Variants in POU2F1 observed in about 807,000 individuals in gnomAD.
POU2F1 encodes POU domain, class 2, transcription factor 1.
POU2F1 carries 16 observed loss-of-function variants against 84.9 expected under a neutral mutation model. The ratio of observed to expected loss-of-function variants is 0.19; its 90% CI spans 0.13 to 0.29. The LOEUF is 0.29. POU2F1 is among the 10% of genes least tolerant of loss of function. The probability of loss-of-function intolerance (pLI) is 1.00; values close to 1 mark genes in which losing one functional copy is unlikely to be tolerated. For synonymous variants in POU2F1, 368 were observed against 368.3 expected, an observed-to-expected ratio of 1.00 and a Z score of 0.01; for missense variants, 738 against 942.6, an observed-to-expected ratio of 0.78 and a Z score of 2.84.
intron 2 of POU2F1, among the ~76,000 whole-genome samples, chr1:167,359,266 T>G (rs1341725408): frequency 2.0e-5 from 3 of 152,036 alleles, no homozygotes; most frequent in Non-Finnish European, 4.4e-5. Context: ...TATCGCCTGA[T>G]GCTGAGGTTT....
chr1:167,275,062 C>T (rs1387342091), intron 1 of POU2F1, among the ~76,000 whole-genome samples: 8 of 141,304 alleles, frequency 5.7e-5, no homozygotes, highest in African/African-American at 8.2e-5. Flanking sequence ...TTGAGACAGG[C>T]TCTCACTCCA....
chr1:167,223,269 G>T (rs1012119717), intron 1 of POU2F1, among the ~76,000 whole-genome samples: 2 of 152,018 alleles, frequency 1.3e-5, no homozygotes, highest in African/African-American at 2.4e-5. Flanking sequence ...CAGCACACCC[G>T]CCCCTCCTCT....
At position 167,385,251 on chromosome 1, in the gene POU2F1, T is replaced by G. The variant is rs188355282; in HGVS notation, c.813+1300T>G. Among the ~76,000 whole-genome samples the G allele has an allele frequency of 8.5e-4, 129 of 152,288 alleles. 4 individuals carry two copies. Among genetic ancestry groups the G allele is most frequent in the Admixed American group, 5.2e-4 (8 of 15,306 alleles). On this transcript the variant is annotated intron_variant, in intron 8 of 15. Transcript: ENST00000367866. ...AAGACTTAAGTTAAATGTTAAAATGTCAGTTTTTCCCAAATTGACCTCTAG... is the reference window on the plus strand; with the variant it reads ...AAGACTTAAGTTAAATGTTAAAATGGCAGTTTTTCCCAAATTGACCTCTAG...
chr1:167,334,268 C>T (rs547443392), intron 2 of POU2F1, among the ~76,000 whole-genome samples: 1 of 147,924 alleles, frequency 6.8e-6, no homozygotes, highest in African/African-American at 2.5e-5. Flanking sequence ...TCAAGCGATT[C>T]TCCTGCCTCA....
At chr1:167,389,474 C>G (rs1196940594) in intron 8 of POU2F1, 114 bp from the exon 9 acceptor site, 2 of 1,091,844 alleles carry the variant, frequency 1.8e-6, no homozygotes, top group Non-Finnish European at 1.3e-6. Context: ...TGTAGTGTTA[C>G]ATGGTCTTCA....
At chr1:167,400,296 C>T (rs1177992287) in intron 12 of POU2F1, among the ~76,000 whole-genome samples, 1 of 152,032 alleles carries the variant, frequency 6.6e-6, no homozygotes, top group Non-Finnish European at 1.5e-5. Context: ...GCGCCCAGCC[C>T]ACCTATCTTA....
At chr1:167,227,365 G>C (rs1039661775) in intron 1 of POU2F1, among the ~76,000 whole-genome samples, 1 of 151,868 alleles carries the variant, frequency 6.6e-6, no homozygotes, top group Non-Finnish European at 1.5e-5. Context: ...CCCCTCTGTT[G>C]AACTTTCTCT....
chr1:167,364,477 C>G, intron 2 of POU2F1, among the ~76,000 whole-genome samples: 1 of 123,944 alleles, frequency 8.1e-6, no homozygotes, highest in South Asian at 3.1e-4. Flanking sequence ...TTGCAGTGAG[C>G]CGAGATCCCG....
chr1:167,360,993 G>T (rs770773457), intron 2 of POU2F1, among the ~76,000 whole-genome samples: 1 of 151,742 alleles, frequency 6.6e-6, no homozygotes, highest in Non-Finnish European at 1.5e-5. Context: ...CCGTAAATGG[G>T]ATTGTATTCT....
intron 13 of POU2F1, among the ~76,000 whole-genome samples, chr1:167,409,987 G>A (rs377631469): frequency 2.6e-5 from 4 of 152,192 alleles, no homozygotes; most frequent in East Asian, 3.9e-4. Flanking sequence ...AGATTAAAGC[G>A]AAAAAGGGTA....
chr1:167,226,658 G>A (rs1648650554), intron 1 of POU2F1, among the ~76,000 whole-genome samples: 2 of 152,336 alleles, frequency 1.3e-5, no homozygotes, highest in Middle Eastern at 3.4e-3. Context: ...ATTGTCTTGA[G>A]TTTCAGAAGT....
chr1:167,234,953 A>T (rs1018401672), intron 1 of POU2F1, among the ~76,000 whole-genome samples: 1 of 152,264 alleles, frequency 6.6e-6, no homozygotes, highest in Non-Finnish European at 1.5e-5. Flanking sequence ...AAATTATGCA[A>T]AAAGGTGGAT....
chr1:167,303,343 G>A (rs1654846604), intron 1 of POU2F1: 1 of 153,722 alleles, frequency 6.5e-6, no homozygotes, highest in East Asian at 1.9e-4. Context: ...GCCTGCCTAA[G>A]GCAGCTAATC....
chr1:167,389,562 T>C (rs1176965223), intron 8 of POU2F1, 26 bp from the exon 9 acceptor site: 2 of 1,612,986 alleles, frequency 1.2e-6, no homozygotes, highest in Non-Finnish European at 1.7e-6. Flanking sequence ...GTGTTTTTCC[T>C]CATTGTTTTA....
intron 1 of POU2F1, among the ~76,000 whole-genome samples, chr1:167,293,869 A>G (rs897891153): frequency 5.9e-5 from 9 of 152,312 alleles, no homozygotes; most frequent in Admixed American, 2.0e-4. Flanking sequence ...AGGACACCCT[A>G]TTTAATAAAT....
intron 1 of POU2F1, among the ~76,000 whole-genome samples, chr1:167,273,272 C>A (rs946044700): frequency 6.6e-6 from 1 of 152,192 alleles, no homozygotes; most frequent in African/African-American, 2.4e-5. Context: ...GTGGCTTTTC[C>A]AGGTACACAG....
At chr1:167,383,720 A>G (rs1647738383) in intron 7 of POU2F1, 137 bp from the exon 8 acceptor site, 1 of 652,302 alleles carries the variant, frequency 1.5e-6, no homozygotes, top group Non-Finnish European at 2.6e-6. Flanking sequence ...CAAATAAGAT[A>G]AATAAGAGTT....
chr1:167,237,767 TATA>T (rs1487150008), intron 1 of POU2F1, among the ~76,000 whole-genome samples: 57 of 17,988 alleles, frequency 3.2e-3, no homozygotes, highest in African/African-American at 7.2e-3. Context: ...TATATATATA[TATA>T]TATTTTTTTT....
intron 1 of POU2F1, among the ~76,000 whole-genome samples, chr1:167,284,064 A>G (rs1396546285): frequency 1.3e-5 from 2 of 152,184 alleles, no homozygotes; most frequent in Non-Finnish European, 2.9e-5. Flanking sequence ...GACCAAAGCA[A>G]TTTACCCTCT....
Sources: allele counts gnomAD v4.1 joint callset (sites outside exome capture counted in the v4.1 genomes callset), GRCh38; gene constraint gnomAD v4.1.1; transcripts MANE v1.5; gene names NCBI Gene and HGNC (gene_info 2026-07-23, HGNC 2026-07-21).